Variants in SMIM24 observed in about 807,000 individuals in gnomAD.
SMIM24 encodes the protein small integral membrane protein 24.
A neutral mutation model predicts 10.8 loss-of-function variants in SMIM24; 6 were observed. The observed-to-expected ratio is 0.55, with a 90% CI of 0.30 to 1.09. The LOEUF is 1.09. Ranked by LOEUF, SMIM24 falls within the 50% of genes least tolerant of loss-of-function variation. SMIM24 has a pLI of 0.06. For missense variants in SMIM24, 151 were observed against 153.4 expected (o/e 0.98, Z 0.08); for synonymous variants, 71 against 62.4 (o/e 1.14, Z -0.65).
intron 3 of SMIM24, among the ~76,000 whole-genome samples, chr19:3,475,208 T>G (rs930122544): frequency 6.6e-6 from 1 of 152,098 alleles, no homozygotes; most frequent in Non-Finnish European, 1.5e-5. Context: ...GATGGGTGGA[T>G]GGATGGATGG....
Position 3,474,588 on chromosome 19 carries a change from C to T in SMIM24, c.*255G>A, listed in dbSNP as rs1599748970. On this transcript the variant is annotated 3_prime_UTR_variant, in exon 4 of 4. Coordinates refer to ENST00000215531, the MANE Select transcript of SMIM24 (RefSeq NM_001136503.2). The stretch of plus-strand genomic sequence containing the variant: ...GGAGGATTGCGGGTGTCTCCTCAAC[C>T]AGGGATGCTCTCCGAGTATAAGAAG... 1 of 486,898 alleles carries T rather than the reference C, an allele frequency of 2.1e-6. No individual in the cohort carries two copies. The highest frequency in any genetic ancestry group is 3.6e-6 in the Non-Finnish European group (1 of 275,630). 30.2% of individuals were successfully genotyped at this position (486,898 alleles called of 1,614,324 possible).
chr19:3,476,940 T>G (rs1599750151), intron 3 of SMIM24, among the ~76,000 whole-genome samples: 1 of 137,170 alleles, frequency 7.3e-6, no homozygotes, highest in Non-Finnish European at 1.6e-5. Flanking sequence ...AATAGATGGG[T>G]GGGTGGATGG....
Position 3,480,316 on chromosome 19 carries a change from C to T in SMIM24, c.67+81G>A, listed in dbSNP as rs1395903240. ...TCTTCCTGCCCCCTCTCCTTTTTCT[C>T]GCCATGGAAAATTGGGAGATGGTGA... is the stretch of plus-strand genomic sequence containing the variant. On this transcript the variant is annotated intron_variant, in intron 1 of 3. Coordinates refer to ENST00000215531, the MANE Select transcript of SMIM24 (RefSeq NM_001136503.2). 15 of 1,314,512 alleles carry T rather than the reference C, an allele frequency of 1.1e-5. No individual in the cohort carries two copies. The Admixed American group carries it at 2.7e-4, about 24-fold the overall frequency. 81.4% of individuals were successfully genotyped at this position (1,314,512 alleles called of 1,614,324 possible).
At chr19:3,479,729 G>A (rs989466394) in intron 1 of SMIM24, among the ~76,000 whole-genome samples, 5 of 143,248 alleles carry the variant, frequency 3.5e-5, no homozygotes, top group Non-Finnish European at 6.1e-5. Flanking sequence ...GGCTCAGAGT[G>A]GGAGGGGCTT....
At position 3,478,913 on chromosome 19, in the gene SMIM24, C is replaced by T; in HGVS notation, c.84G>A (p.Leu28=). Residue 28 remains leucine (L), a synonymous_variant, in exon 2 of 4, where the codon CTG becomes CTA. Transcript: ENST00000215531. The part of the protein sequence containing the change: ...VEAQQATEHR[L]KPWLVGLAAV... Reference sequence around the variant, plus strand: ...CAGCCAGGCCCACCAGCCACGGCTTCAGGCGATGCTCCGTGGCTGCAGGAA... The same window carrying T: ...CAGCCAGGCCCACCAGCCACGGCTTTAGGCGATGCTCCGTGGCTGCAGGAA... The T allele has an allele frequency of 6.5e-7, 1 of 1,549,892 alleles. No individual in the cohort carries two copies. The highest frequency in any genetic ancestry group is 1.2e-5 in the South Asian group (1 of 84,038).
chr19:3,476,806 C>T lies in SMIM24; in HGVS notation c.239+1613G>A, dbSNP rs555746412. On this transcript the variant is annotated intron_variant, in intron 3 of 3. Transcript: ENST00000215531. ...GATAAATGGGTAGGTGGATGGATGG[C>T]TGTGTGGGTGGATGAATGAGTGAAT... Among the ~76,000 whole-genome samples the T allele has an allele frequency of 4.7e-5, 6 of 128,260 alleles. No homozygotes were observed. The South Asian group carries it at 1.4e-3, about 30-fold the overall frequency. The allele number at this position is 128,260 out of a possible 152,430, so 84.1% of individuals were successfully genotyped here.
chr19:3,474,957 T>G lies in SMIM24; in HGVS notation c.279A>C (p.Glu93Asp). ...TCTTTTTCTCCTTCTTCCTCTTCTC[T>G]TCTTTCTCCTTGGCCTCTTTCTTCT... ...KREKKEAKEK[E>D]EKRKKEKKTA... is the part of the protein sequence containing the mutation. The change falls in exon 4 of 4, where the codon GAA (glutamate) becomes GAC (aspartate). Residue 93 changes from glutamate to aspartate, a missense_variant. Coordinates refer to ENST00000215531, the MANE Select transcript of SMIM24 (RefSeq NM_001136503.2). 6 of 1,551,650 alleles carry G rather than the reference T, an allele frequency of 3.9e-6. No individual in the cohort carries two copies. In the South Asian group the frequency reaches 5.9e-5, roughly 15 times the overall value.
At position 3,478,403 on chromosome 19, in the gene SMIM24, TC is replaced by T; in HGVS notation, c.239+15del. 6.5e-7 allele frequency: 1 copy of T among 1,546,162 alleles called. No homozygotes were observed. Among genetic ancestry groups the T allele is most frequent in the Non-Finnish European group, 8.7e-7 (1 of 1,144,936 alleles). On this transcript the variant is annotated intron_variant, in intron 3 of 3. Transcript: ENST00000215531. ...GAGGGGTTCACACAGACCCCCAGCA[TC>T]CGCACGCATAGTACCTCTGGTCCTG...
intron 3 of SMIM24, among the ~76,000 whole-genome samples, chr19:3,475,752 G>T (rs563287702): frequency 2.5e-4 from 38 of 151,690 alleles, no homozygotes; most frequent in Admixed American, 1.3e-4. Flanking sequence ...GAATGGGTGG[G>T]TGAACAGATG....
intron 2 of SMIM24, 79 bp downstream of exon 2, chr19:3,478,739 A>T: frequency 1.1e-6 from 1 of 887,218 alleles, no homozygotes; most frequent in South Asian, 1.6e-5. Context: ...GAGGCTGGTG[A>T]TGGGGGTACC....
intron 1 of SMIM24, 111 bp from the exon 2 acceptor site, chr19:3,479,040 G>C (rs1224404132): frequency 1.2e-6 from 1 of 830,552 alleles, no homozygotes; most frequent in Admixed American, 2.5e-5. Context: ...CTCCGACAGA[G>C]GGGGTATTGG....
At chr19:3,476,890 G>A (rs1201543925) in intron 3 of SMIM24, among the ~76,000 whole-genome samples, 1 of 149,914 alleles carries the variant, frequency 6.7e-6, no homozygotes, top group African/African-American at 2.5e-5. Flanking sequence ...ATGGGTGGAT[G>A]GGTGGGTGGG....
chr19:3,480,362 TCCCGCG>T, intron 1 of SMIM24, 29 bp downstream of exon 1: 1 of 1,285,842 alleles, frequency 7.8e-7, no homozygotes, highest in Non-Finnish European at 1.1e-6. Flanking sequence ...AACTCCCCTA[TCCCGCG>T]ACGCCCCCTC....
At position 3,478,468 on chromosome 19, in the gene SMIM24, C is replaced by CT. The variant is rs1409883313; in HGVS notation, c.189_190insA (p.Glu64ArgfsTer18). 6.5e-7 allele frequency: 1 copy of CT among 1,548,816 alleles called. No homozygotes were observed. Among genetic ancestry groups the CT allele is most frequent in the African/African-American group, 1.4e-5 (1 of 72,852 alleles). On this transcript the variant is annotated frameshift_variant, in exon 3 of 4. Coordinates refer to ENST00000215531, the MANE Select transcript of SMIM24 (RefSeq NM_001136503.2). LOFTEE classifies it low-confidence loss of function (END_TRUNC). ...TCCATTCTGAACGTGGTCTCCTCCT[C>CT]GTCCTCAGCCCTGCAGAGATAAAGG...
intron 2 of SMIM24, 33 bp downstream of exon 2, chr19:3,478,785 T>C (rs1346905169): frequency 9.7e-7 from 1 of 1,034,192 alleles, no homozygotes; most frequent in South Asian, 1.6e-5. Flanking sequence ...GGGGCAGGGC[T>C]GTGGGGGCAG....
At chr19:3,476,551 C>T (rs1428282288) in intron 3 of SMIM24, among the ~76,000 whole-genome samples, 1 of 151,858 alleles carries the variant, frequency 6.6e-6, no homozygotes, top group Non-Finnish European at 1.5e-5. Context: ...TCCCCCAGTA[C>T]ATCCTGGGAG....
intron 2 of SMIM24, 96 bp downstream of exon 2, chr19:3,478,722 G>A (rs780138726): frequency 2.5e-5 from 26 of 1,043,198 alleles, no homozygotes; most frequent in Middle Eastern, 3.1e-4. Context: ...GGAGACCTTC[G>A]GACTTTGAGG....
rs572154269 is a variant in SMIM24 at position 3,480,412 on chromosome 19, C to T, written c.52G>A (p.Val18Met). ...CTGCACCTACCCTGCTGGGCCTCCACCGGGGAGAGGAGCAGAAACTCCAGC... is the reference window on the plus strand; with the variant it reads ...CTGCACCTACCCTGCTGGGCCTCCATCGGGGAGAGGAGCAGAAACTCCAGC... ...LVLEFLLLSP[V>M]EAQQATEHRL... The change falls in exon 1 of 4, where the codon GTG (valine) becomes ATG (methionine). Residue 18 changes from valine (V) to methionine (M), a missense_variant. By Grantham distance (21) the Val-to-Met change is conservative. Coordinates refer to ENST00000215531, the MANE Select transcript of SMIM24 (RefSeq NM_001136503.2). 9 of 1,549,042 alleles carry T rather than the reference C, an allele frequency of 5.8e-6. No homozygotes were observed. In the Admixed American group the frequency reaches 1.8e-4, roughly 30 times the overall value.
At chr19:3,476,890 G>T (rs1201543925) in intron 3 of SMIM24, among the ~76,000 whole-genome samples, 4 of 149,916 alleles carry the variant, frequency 2.7e-5, no homozygotes, top group Non-Finnish European at 5.9e-5. Flanking sequence ...ATGGGTGGAT[G>T]GGTGGGTGGG....
Sources: allele counts gnomAD v4.1 joint callset (sites outside exome capture counted in the v4.1 genomes callset), GRCh38; gene constraint gnomAD v4.1.1; transcripts MANE v1.5; gene names NCBI Gene and HGNC (gene_info 2026-07-23, HGNC 2026-07-21).